CSMD1: variants seen among roughly 807,000 people sequenced by gnomAD.
CSMD1 encodes the protein CUB and Sushi multiple domains 1.
CSMD1 carries 213 observed loss-of-function variants against 417.5 expected under a neutral mutation model. The ratio of observed to expected loss-of-function variants is 0.51; its 90% CI spans 0.46 to 0.57. CSMD1 has a LOEUF of 0.57. CSMD1 is among the 20% of genes least tolerant of loss of function. CSMD1 has a pLI of 0.00. For missense variants in CSMD1, 6,923 were observed against 4,529.7 expected, an observed-to-expected ratio of 1.53 and a Z score of -15.17; for synonymous variants, 2,862 against 1,736.8, an observed-to-expected ratio of 1.65 and a Z score of -16.11.
chr8:3,523,724 T>C (rs1162697478), intron 10 of CSMD1, among the ~76,000 whole-genome samples: 1 of 142,248 alleles, frequency 7.0e-6, no homozygotes, highest in Admixed American at 7.0e-5. Context: ...CACATATGCA[T>C]GCACACTCAG....
At chr8:2,945,505 G>C (rs1470468073) in intron 68 of CSMD1, among the ~76,000 whole-genome samples, 2 of 152,182 alleles carry the variant, frequency 1.3e-5, no homozygotes, top group East Asian at 3.9e-4. Context: ...ATTAGCAGGA[G>C]TCGACATTAC....
At chr8:3,586,806 T>C (rs1271268139) in intron 8 of CSMD1, among the ~76,000 whole-genome samples, 1 of 152,224 alleles carries the variant, frequency 6.6e-6, no homozygotes, top group African/African-American at 2.4e-5. Flanking sequence ...GTTTGTTTGT[T>C]TGTTTTGTTT....
intron 1 of CSMD1, among the ~76,000 whole-genome samples, chr8:4,676,780 G>T (rs751412702): frequency 1.3e-5 from 2 of 151,634 alleles, no homozygotes; most frequent in African/African-American, 4.8e-5. Flanking sequence ...GCTTTTCTTT[G>T]TTCTCTTCAG....
intron 3 of CSMD1, among the ~76,000 whole-genome samples, chr8:4,392,805 T>G (rs1031586175): frequency 6.6e-6 from 1 of 151,526 alleles, no homozygotes; most frequent in Admixed American, 6.6e-5. Flanking sequence ...CCATCTCTAG[T>G]AAAAATACAA....
At chr8:3,683,896 T>C (rs1009849477) in intron 7 of CSMD1, among the ~76,000 whole-genome samples, 2 of 152,008 alleles carry the variant, frequency 1.3e-5, no homozygotes, top group Non-Finnish European at 1.5e-5. Context: ...TTGATGTTTA[T>C]TGATTTCAAA....
intron 3 of CSMD1, among the ~76,000 whole-genome samples, chr8:4,052,743 G>C (rs531937098): frequency 4.5e-4 from 68 of 151,202 alleles, no homozygotes; most frequent in African/African-American, 1.6e-3. Flanking sequence ...CATGATAAAA[G>C]AACAAGTTTT....
At chr8:4,079,234 T>G (rs1320148312) in intron 3 of CSMD1, among the ~76,000 whole-genome samples, 1 of 152,136 alleles carries the variant, frequency 6.6e-6, no homozygotes, top group Non-Finnish European at 1.5e-5. Flanking sequence ...AACAACTGAA[T>G]GAGTAGATAT....
intron 3 of CSMD1, among the ~76,000 whole-genome samples, chr8:4,182,410 C>T (rs948329806): frequency 4.6e-5 from 7 of 152,090 alleles, no homozygotes; most frequent in Non-Finnish European, 7.4e-5. Flanking sequence ...TCAGTAAATG[C>T]TGAACCTGCC....
At chr8:3,143,231 G>A (rs1818612972) in intron 40 of CSMD1, among the ~76,000 whole-genome samples, 1 of 152,082 alleles carries the variant, frequency 6.6e-6, no homozygotes, top group Admixed American at 6.6e-5. Flanking sequence ...AACTTTAAAG[G>A]TGGCTTTTAC....
intron 3 of CSMD1, among the ~76,000 whole-genome samples, chr8:4,238,714 G>T (rs1328845314): frequency 1.3e-5 from 2 of 152,144 alleles, no homozygotes; most frequent in African/African-American, 4.8e-5. Context: ...TTTGGGGCAG[G>T]TCAATATTAT....
At chr8:4,697,053 T>C (rs535490721) in intron 1 of CSMD1, among the ~76,000 whole-genome samples, 1 of 152,172 alleles carries the variant, frequency 6.6e-6, no homozygotes, top group African/African-American at 2.4e-5. Context: ...GTGCCTGTAA[T>C]CCCAGCTACT....
intron 2 of CSMD1, among the ~76,000 whole-genome samples, chr8:4,555,171 C>G (rs776766787): frequency 6.6e-6 from 1 of 152,168 alleles, no homozygotes; most frequent in Non-Finnish European, 1.5e-5. Context: ...AAAGATCATT[C>G]TGACTTCAGA....
chr8:3,523,944 C>T (rs1212552508), intron 10 of CSMD1, among the ~76,000 whole-genome samples: 6 of 151,288 alleles, frequency 4.0e-5, no homozygotes, highest in African/African-American at 1.5e-4. Flanking sequence ...CACTCAGACA[C>T]GTGCATACAC....
At chr8:3,323,667 G>T (rs991136502) in intron 23 of CSMD1, among the ~76,000 whole-genome samples, 5 of 152,208 alleles carry the variant, frequency 3.3e-5, no homozygotes, top group Non-Finnish European at 7.3e-5. Context: ...CATGACCTGG[G>T]ATATGACAGA....
Position 4,100,411 on chromosome 8 carries a change from C to G in CSMD1, c.416-68312G>C, listed in dbSNP as rs534082075. ...TTCCCTGTGTCTAGTCAGCCAACTA[C>G]TCTGTAGCCCGTTCAAAGCAGAATC... is the stretch of plus-strand genomic sequence containing the variant. On this transcript the variant is annotated intron_variant, in intron 3 of 69. Transcript: ENST00000635120. Among the ~76,000 whole-genome samples the G allele has an allele frequency of 2.6e-5, 4 of 152,308 alleles. No homozygotes were observed. The East Asian group carries it at 7.7e-4, about 29-fold the overall frequency.
At chr8:4,425,162 TAA>T (rs1199324470) in intron 2 of CSMD1, among the ~76,000 whole-genome samples, 12 of 152,064 alleles carry the variant, frequency 7.9e-5, no homozygotes, top group Admixed American at 3.3e-4. Context: ...TTTAAATTAT[TAA>T]GTTTTATAAA....
intron 3 of CSMD1, among the ~76,000 whole-genome samples, chr8:4,267,767 T>C (rs1393923281): frequency 6.6e-6 from 1 of 152,168 alleles, no homozygotes; most frequent in Non-Finnish European, 1.5e-5. Context: ...AGCATCAGAA[T>C]GCATATTTTA....
chr8:4,491,345 C>T (rs748049754), intron 2 of CSMD1, among the ~76,000 whole-genome samples: 12 of 152,232 alleles, frequency 7.9e-5, no homozygotes, highest in Non-Finnish European at 1.5e-4. Flanking sequence ...TCTGGGCGCA[C>T]GTGTCCAGGA....
At chr8:2,947,433 A>AG (rs900497641) in intron 68 of CSMD1, among the ~76,000 whole-genome samples, 1 of 152,200 alleles carries the variant, frequency 6.6e-6, no homozygotes, top group African/African-American at 2.4e-5. Context: ...AATTAGTTGA[A>AG]GGGGGGACTT....
Sources: gnomAD v4.1 joint callset for allele counts (sites outside exome capture counted in the v4.1 genomes callset) on GRCh38, gnomAD v4.1.1 for gene constraint, MANE v1.5 for transcripts, NCBI Gene and HGNC (gene_info 2026-07-23, HGNC 2026-07-21) for gene names.